The following CREB3L2 variants were observed in gnomAD, a reference collection of about 807,000 sequenced individuals.
CREB3L2 encodes cyclic AMP-responsive element-binding protein 3-like protein 2.
Under a neutral mutation model 57.2 loss-of-function variants are expected in CREB3L2, and 23 were observed. The ratio of observed to expected loss-of-function variants is 0.40; its 90% CI spans 0.29 to 0.57. The LOEUF (loss-of-function observed/expected upper bound fraction) is 0.57, where lower values mean the gene tolerates loss of function less well. Among genes scored for constraint, CREB3L2 ranks in the 20% least tolerant of loss-of-function variants. The pLI, the probability that CREB3L2 is intolerant of heterozygous loss-of-function variation, is 0.42. For missense variants in CREB3L2, 628 were observed against 634.7 expected (o/e 0.99, Z 0.11); for synonymous variants, 268 against 265.1 (o/e 1.01, Z -0.11).
intron 1 of CREB3L2, among the ~76,000 whole-genome samples, chr7:137,974,689 T>A (rs1221103082): frequency 6.6e-6 from 1 of 151,836 alleles, no homozygotes; most frequent in Admixed American, 6.6e-5. Flanking sequence ...GTGAATGGAG[T>A]CAAGCTATTC....
chr7:137,964,992 T>C (rs971969247), intron 1 of CREB3L2, among the ~76,000 whole-genome samples: 2 of 152,198 alleles, frequency 1.3e-5, no homozygotes, highest in African/African-American at 4.8e-5. Context: ...TGTGAGTCCA[T>C]GAAACCTCTT....
intron 1 of CREB3L2, among the ~76,000 whole-genome samples, chr7:137,997,549 C>T (rs904383440): frequency 1.9e-5 from 2 of 105,742 alleles, no homozygotes; most frequent in Middle Eastern, 5.2e-3. Flanking sequence ...ACTGAGATCC[C>T]GTTTCTACCA....
At chr7:137,930,114 G>A (rs1800582922) in intron 1 of CREB3L2, among the ~76,000 whole-genome samples, 1 of 151,932 alleles carries the variant, frequency 6.6e-6, no homozygotes, top group Admixed American at 6.5e-5. Flanking sequence ...AGCCAGGATG[G>A]TCTCAATCTC....
intron 1 of CREB3L2, among the ~76,000 whole-genome samples, chr7:137,964,308 C>A (rs1215402367): frequency 1.3e-5 from 2 of 152,208 alleles, no homozygotes; most frequent in Admixed American, 6.5e-5. Flanking sequence ...ACGAGCGAGA[C>A]TTCCTCTCAA....
At chr7:137,975,603 T>C (rs938456027) in intron 1 of CREB3L2, among the ~76,000 whole-genome samples, 3 of 152,098 alleles carry the variant, frequency 2.0e-5, no homozygotes, top group African/African-American at 4.8e-5. Context: ...CATGACTGCA[T>C]GGGAAGTAAA....
At chr7:137,921,177 G>A (rs1187150472) in intron 2 of CREB3L2, among the ~76,000 whole-genome samples, 1 of 152,198 alleles carries the variant, frequency 6.6e-6, no homozygotes, top group Non-Finnish European at 1.5e-5. Context: ...AAATAAAAAT[G>A]TTCTTTCCGC....
In CREB3L2 at chr7:137,906,489, T is replaced by A. The variant is rs551247779; in HGVS notation, c.769-641A>T. On this transcript the variant is annotated intron_variant, in intron 5 of 11. Transcript: ENST00000330387. ...AACAGAGTCCCTATTGCATTTTAGC[T>A]CCATACTAAATGCCATGGAGGACTC... Among the ~76,000 whole-genome samples the A allele has an allele frequency of 2.6e-5, 4 of 152,304 alleles. No homozygotes were observed. The South Asian group carries it at 8.3e-4, about 32-fold the overall frequency.
intron 1 of CREB3L2, among the ~76,000 whole-genome samples, chr7:137,947,677 T>C (rs1179358211): frequency 1.3e-5 from 2 of 152,234 alleles, no homozygotes; most frequent in Admixed American, 1.3e-4. Flanking sequence ...TAAATCTCTT[T>C]ATTCCTGATG....
At chr7:137,927,128 T>G (rs996773935) in intron 2 of CREB3L2, among the ~76,000 whole-genome samples, 1 of 150,920 alleles carries the variant, frequency 6.6e-6, no homozygotes, top group Non-Finnish European at 1.5e-5. Context: ...CACTGAACTG[T>G]AGCCTGGATG....
Position 137,880,635 on chromosome 7 carries a change from TTCAGG to T in CREB3L2, c.1488-89_1488-85del. The T allele has an allele frequency of 1.8e-6, 2 of 1,125,936 alleles. No individual in the cohort carries two copies. The highest frequency in any genetic ancestry group is 2.7e-6 in the Non-Finnish European group (2 of 746,368). 69.7% of individuals were successfully genotyped at this position (1,125,936 alleles called of 1,614,324 possible). A position where few individuals can be genotyped will look rare whatever the true frequency, so the allele number is the denominator to read the frequency against. On this transcript the variant is annotated intron_variant, in intron 11 of 11. Transcript: ENST00000330387. This position sits in a 1 kb window ranked among gnomAD's most constrained non-coding sequence, Gnocchi z 4.0. ...CATGCTTTGTAGCGTGATGCAATCA[TTCAGG>T]GGTTGCAACTTGGTGAGACGGCCTG...
At chr7:137,917,901 G>A (rs755917666) in intron 2 of CREB3L2, among the ~76,000 whole-genome samples, 9 of 152,108 alleles carry the variant, frequency 5.9e-5, no homozygotes, top group Non-Finnish European at 1.2e-4. Context: ...CATGGGGTGT[G>A]CGCCACATCC....
chr7:137,939,274 G>A (rs188132984), intron 1 of CREB3L2, among the ~76,000 whole-genome samples: 111 of 152,262 alleles, frequency 7.3e-4, no homozygotes, highest in Non-Finnish European at 1.4e-3. Context: ...GAATTATCCC[G>A]AGGGTAGAGA....
In CREB3L2 at chr7:137,980,636, T is replaced by C. The variant is rs1004772991; in HGVS notation, c.102+20968A>G. Among the ~76,000 whole-genome samples, 1 of 152,206 alleles carries C rather than the reference T, an allele frequency of 6.6e-6. No homozygotes were observed. The highest frequency in any genetic ancestry group is 2.4e-5 in the African/African-American group (1 of 41,450). On this transcript the variant is annotated intron_variant, in intron 1 of 11. Coordinates refer to ENST00000330387, the MANE Select transcript of CREB3L2 (RefSeq NM_194071.4). This position sits in a 1 kb window ranked among gnomAD's most constrained non-coding sequence, Gnocchi z 4.3. ...CCTACTTTCAGACTTCCCCAACCAG[T>C]GGCCCAGGCTCCTAAAATACATGAC...
intron 8 of CREB3L2, among the ~76,000 whole-genome samples, chr7:137,886,644 C>A (rs1235039585): frequency 6.6e-6 from 1 of 152,010 alleles, no homozygotes; most frequent in African/African-American, 2.4e-5. Context: ...GACCCTCAAG[C>A]CCAGAGTCAA....
intron 1 of CREB3L2, among the ~76,000 whole-genome samples, chr7:137,991,011 T>G (rs935619994): frequency 5.9e-5 from 9 of 152,192 alleles, no homozygotes; most frequent in African/African-American, 2.2e-4. Context: ...CTTTATTTTG[T>G]CTGGGTTTCA....
intron 8 of CREB3L2, among the ~76,000 whole-genome samples, chr7:137,892,437 G>C (rs1396233677): frequency 6.6e-6 from 1 of 151,616 alleles, no homozygotes; most frequent in Admixed American, 6.6e-5. Context: ...GATCACTTGA[G>C]GTCAGGAGTT....
chr7:137,912,900 A>G, intron 4 of CREB3L2, 91 bp downstream of exon 4: 1 of 1,570,636 alleles, frequency 6.4e-7, no homozygotes, highest in Non-Finnish European at 8.7e-7. Context: ...TCTGTGGTAC[A>G]AACTCATCCC....
At chr7:137,976,862 A>AG (rs1469317964) in intron 1 of CREB3L2, among the ~76,000 whole-genome samples, 6 of 152,212 alleles carry the variant, frequency 3.9e-5, no homozygotes, top group Non-Finnish European at 8.8e-5. Flanking sequence ...ACAGTGGGAG[A>AG]GGCCAGTGGG....
chr7:137,878,088 T>C lies in CREB3L2; in HGVS notation c.*2388A>G, dbSNP rs3735020. The C allele has an allele frequency of 0.1, 23,233 of 230,218 alleles. 3,657 individuals carry two copies. Among genetic ancestry groups the C allele is most frequent in the African/African-American group, 0.38 (17,293 of 45,186 alleles). The allele number at this position is 230,218 out of a possible 1,614,324, so 14.3% of individuals were successfully genotyped here. A position where few individuals can be genotyped will look rare whatever the true frequency, so the allele number is the denominator to read the frequency against. On this transcript the variant is annotated 3_prime_UTR_variant, in exon 12 of 12. Transcript: ENST00000330387. Reference sequence around the variant, plus strand: ...CTACATAGATTCCGTTTTGGAAGGATGGTTTCCCAGAGAAAGAGTCCTGCT... The same window carrying C: ...CTACATAGATTCCGTTTTGGAAGGACGGTTTCCCAGAGAAAGAGTCCTGCT...
Sources: allele counts gnomAD v4.1 joint callset (sites outside exome capture counted in the v4.1 genomes callset), GRCh38; gene constraint gnomAD v4.1.1; non-coding constraint Gnocchi (gnomAD v3.1); transcripts MANE v1.5; gene names NCBI Gene and HGNC (gene_info 2026-07-23, HGNC 2026-07-21).